Variants in RAB8B observed in about 807,000 individuals in gnomAD.
RAB8B encodes the protein ras-related protein Rab-8B.
In RAB8B, 11 loss-of-function variants were observed where a neutral mutation model predicts 32.0. The ratio of observed to expected loss-of-function variants is 0.34; its 90% CI spans 0.22 to 0.57. The LOEUF (loss-of-function observed/expected upper bound fraction) is 0.57, where lower values mean the gene tolerates loss of function less well. Among genes scored for constraint, RAB8B ranks in the 20% least tolerant of loss-of-function variants. The probability of loss-of-function intolerance (pLI) is 0.86; values close to 1 mark genes in which losing one functional copy is unlikely to be tolerated. For missense variants in RAB8B, 190 were observed against 258.5 expected (o/e 0.73, Z 1.82); for synonymous variants, 103 against 89.6 (o/e 1.15, Z -0.85).
intron 1 of RAB8B, among the ~76,000 whole-genome samples, chr15:63,239,278 T>G (rs1465174585): frequency 6.6e-6 from 1 of 152,208 alleles, no homozygotes; most frequent in Non-Finnish European, 1.5e-5. Context: ...TTGCTTTAAA[T>G]TTTAACATGA....
chr15:63,239,542 C>T (rs1045730001), intron 1 of RAB8B, among the ~76,000 whole-genome samples: 8 of 151,866 alleles, frequency 5.3e-5, no homozygotes, highest in Admixed American at 2.6e-4. Context: ...TTAGCCTCCC[C>T]GCTAGCTGGG....
chr15:63,267,351 C>T lies in RAB8B; in HGVS notation c.*3732C>T, dbSNP rs1333480846. The T allele has an allele frequency of 6.6e-6, 1 of 152,480 alleles. No individual in the cohort carries two copies. Among genetic ancestry groups the T allele is most frequent in the Admixed American group, 6.6e-5 (1 of 15,262 alleles). The allele number at this position is 152,480 out of a possible 1,614,324, so 9.4% of individuals were successfully genotyped here. A position where few individuals can be genotyped will look rare whatever the true frequency, so the allele number is the denominator to read the frequency against. On this transcript the variant is annotated 3_prime_UTR_variant, in exon 8 of 8. Coordinates refer to ENST00000321437, the MANE Select transcript of RAB8B (RefSeq NM_016530.3). ...GCCATATGCAATTGCATTTCTTGTGCCAAGAAACTAATAGAACTTATTTCA... is the reference window on the plus strand; with the variant it reads ...GCCATATGCAATTGCATTTCTTGTGTCAAGAAACTAATAGAACTTATTTCA...
intron 1 of RAB8B, among the ~76,000 whole-genome samples, chr15:63,195,825 C>T (rs1471790102): frequency 1.3e-5 from 2 of 152,066 alleles, no homozygotes; most frequent in African/African-American, 4.8e-5. Context: ...TTTTAGGTGG[C>T]GAGTAATGTG....
intron 1 of RAB8B, among the ~76,000 whole-genome samples, chr15:63,191,466 T>C (rs946577984): frequency 1.3e-5 from 2 of 152,244 alleles, no homozygotes. Context: ...GCAGTCAGTC[T>C]TGAGTGGGAC....
chr15:63,234,772 T>C (rs1207687538), intron 1 of RAB8B, among the ~76,000 whole-genome samples: 1 of 152,156 alleles, frequency 6.6e-6, no homozygotes, highest in Non-Finnish European at 1.5e-5. Context: ...GGAAAGAGCC[T>C]CCTGGCCCAA....
intron 1 of RAB8B, among the ~76,000 whole-genome samples, chr15:63,232,238 A>C (rs980221765): frequency 2.6e-5 from 4 of 152,144 alleles, no homozygotes; most frequent in African/African-American, 9.7e-5. Flanking sequence ...ATAGTTATTT[A>C]TTTTGCTCAT....
rs2038153836 is a variant in RAB8B, at chr15:63,255,708, T to A, written c.324+124T>A. Reference sequence around the variant, plus strand: ...GGGCATGGGCAGGTTGGGCCCTCTCTCTCTGAAGAGCTCCATAAATCTCTG... The same window carrying A: ...GGGCATGGGCAGGTTGGGCCCTCTCACTCTGAAGAGCTCCATAAATCTCTG... On this transcript the variant is annotated intron_variant, in intron 4 of 7. Coordinates refer to ENST00000321437, the MANE Select transcript of RAB8B (RefSeq NM_016530.3). 4.3e-6 allele frequency: 3 copies of A among 703,204 alleles called. No individual in the cohort carries two copies. The East Asian group carries it at 7.8e-5, about 18-fold the overall frequency. The allele number at this position is 703,204 out of a possible 1,614,324, so 43.6% of individuals were successfully genotyped here. A position where few individuals can be genotyped will look rare whatever the true frequency, so the allele number is the denominator to read the frequency against.
At chr15:63,193,477 A>AT (rs1253266182) in intron 1 of RAB8B, among the ~76,000 whole-genome samples, 3 of 152,014 alleles carry the variant, frequency 2.0e-5, no homozygotes, top group Non-Finnish European at 2.9e-5. Context: ...TGAAAATTGA[A>AT]TTTTTTTTAT....
Position 63,234,075 on chromosome 15 carries a change from T to C in RAB8B, c.125-10681T>C, listed in dbSNP as rs185366501. ...AAACCTTAGTTGAAGGTCCCTGATG[T>C]TTTTCTACCCCTGATTTTTCTGGAC... On this transcript the variant is annotated intron_variant, in intron 1 of 7. Coordinates refer to ENST00000321437, the MANE Select transcript of RAB8B (RefSeq NM_016530.3). 2.4e-4 allele frequency among the ~76,000 whole-genome samples: 36 copies of C among 152,174 alleles called. 1 individual carries two copies. The highest frequency in any genetic ancestry group is 1.7e-3 in the Admixed American group (26 of 15,290).
At chr15:63,225,226 G>A (rs139826941) in intron 1 of RAB8B, among the ~76,000 whole-genome samples, 1 of 152,190 alleles carries the variant, frequency 6.6e-6, no homozygotes, top group African/African-American at 2.4e-5. Context: ...GGAGTTTTTA[G>A]TATTACCATT....
rs10851726 is a variant in RAB8B, at chr15:63,256,588, G to A, written c.408G>A (p.Gly136=). The part of the protein sequence containing the change: ...NDKRQVSKER[G]EKLAIDYGIK... Reference sequence around the variant, plus strand: ...AAAGACAAGTGTCAAAAGAAAGAGGGGAGAAGGTAAATGTGAATGGAATGG... The same window carrying A: ...AAAGACAAGTGTCAAAAGAAAGAGGAGAGAAGGTAAATGTGAATGGAATGG... The change falls in exon 5 of 8, where the codon GGG becomes GGA. Residue 136 remains glycine (G), a synonymous_variant. Coordinates refer to ENST00000321437, the MANE Select transcript of RAB8B (RefSeq NM_016530.3). The A allele has an allele frequency of 0.17, 266,298 of 1,590,296 alleles. 27,329 individuals are homozygous for A. Among genetic ancestry groups the A allele is most frequent in the East Asian group, 0.45 (19,464 of 43,054 alleles).
chr15:63,240,806 CA>C (rs11312318), intron 1 of RAB8B, among the ~76,000 whole-genome samples: 42,326 of 113,738 alleles, frequency 0.37, 6,783 homozygotes, highest in Non-Finnish European at 0.46. Flanking sequence ...ATGTTCCTAA[CA>C]AAAAAAAAAA....
intron 1 of RAB8B, among the ~76,000 whole-genome samples, chr15:63,224,718 C>A (rs1216352514): frequency 1.3e-5 from 2 of 152,148 alleles, no homozygotes; most frequent in Admixed American, 1.3e-4. Context: ...CAAGAATGGA[C>A]CAATTTTCCT....
chr15:63,244,133 A>G (rs2038053071), intron 1 of RAB8B, among the ~76,000 whole-genome samples: 1 of 152,238 alleles, frequency 6.6e-6, no homozygotes. Context: ...GGGGACTTTC[A>G]GATCATAGTA....
At chr15:63,191,828 T>G (rs2037558193) in intron 1 of RAB8B, among the ~76,000 whole-genome samples, 1 of 152,208 alleles carries the variant, frequency 6.6e-6, no homozygotes, top group Non-Finnish European at 1.5e-5. Context: ...TTCCCTTAAT[T>G]TTTGTCCCAT....
At chr15:63,217,442 T>G (rs754638877) in intron 1 of RAB8B, among the ~76,000 whole-genome samples, 1 of 152,212 alleles carries the variant, frequency 6.6e-6, no homozygotes. Flanking sequence ...TGTTTTTGGG[T>G]CAGTGAGAAA....
intron 1 of RAB8B, chr15:63,222,942 G>A (rs1024097497): frequency 5.1e-5 from 19 of 369,614 alleles, no homozygotes; most frequent in African/African-American, 4.1e-4. Flanking sequence ...ATATAATTTT[G>A]GTGTAGCTTA....
intron 1 of RAB8B, among the ~76,000 whole-genome samples, chr15:63,194,978 C>T (rs554843574): frequency 1.3e-5 from 2 of 152,290 alleles, no homozygotes; most frequent in Admixed American, 1.3e-4. Flanking sequence ...TTTATCAAGA[C>T]TTATTGACTG....
intron 3 of RAB8B, among the ~76,000 whole-genome samples, chr15:63,251,960 T>A (rs998496111): frequency 6.6e-6 from 1 of 152,060 alleles, no homozygotes; most frequent in Non-Finnish European, 1.5e-5. Flanking sequence ...TCTGTCACCA[T>A]GGCATTTCAA....
Sources: gnomAD v4.1 joint callset for allele counts (sites outside exome capture counted in the v4.1 genomes callset) on GRCh38, gnomAD v4.1.1 for gene constraint, MANE v1.5 for transcripts, NCBI Gene and HGNC (gene_info 2026-07-23, HGNC 2026-07-21) for gene names.